Variants in GNG12 observed in about 807,000 individuals in gnomAD.
GNG12 encodes the protein G protein subunit gamma 12, also known as guanine nucleotide-binding protein G(I)/G(S)/G(O) subunit gamma-12.
For synonymous variants in GNG12, 28 were observed against 29.7 expected (o/e 0.94, Z 0.19); for missense variants, 69 against 83.8 (o/e 0.82, Z 0.69).
chr1:67,728,466 T>A (rs1646399885), intron 2 of GNG12, among the ~76,000 whole-genome samples: 1 of 152,212 alleles, frequency 6.6e-6, no homozygotes, highest in African/African-American at 2.4e-5. Context: ...TGCTTCTCTC[T>A]GGATAGCCCT....
At chr1:67,717,083 C>G (rs1646329639) in intron 2 of GNG12, among the ~76,000 whole-genome samples, 1 of 152,130 alleles carries the variant, frequency 6.6e-6, no homozygotes, top group Admixed American at 6.5e-5. Flanking sequence ...GAAGGGCCCA[C>G]AGATCTGTAT....
rs137901688 is a variant in GNG12, at chr1:67,711,422, G to A, written c.-26-3710C>T. ...AGCTCACATAGGATCCTGAGCTACA[G>A]AAAAGAATGGGAGTTCAGGGTTTCT... On this transcript the variant is annotated intron_variant, in intron 2 of 3. Coordinates refer to ENST00000370982, the MANE Select transcript of GNG12 (RefSeq NM_018841.6). Among the ~76,000 whole-genome samples the A allele has an allele frequency of 1.7e-4, 26 of 151,768 alleles. No individual in the cohort carries two copies. In the East Asian group the frequency reaches 5.0e-3, roughly 29 times the overall value.
At chr1:67,723,582 T>TA (rs1466240189) in intron 2 of GNG12, among the ~76,000 whole-genome samples, 2 of 152,224 alleles carry the variant, frequency 1.3e-5, no homozygotes, top group Admixed American at 6.5e-5. Context: ...ATATACCACT[T>TA]ACACTTGCCA....
At chr1:67,769,994 G>C (rs1408514373) in intron 2 of GNG12, among the ~76,000 whole-genome samples, 1 of 152,144 alleles carries the variant, frequency 6.6e-6, no homozygotes, top group Non-Finnish European at 1.5e-5. Flanking sequence ...ATGGAGGTAG[G>C]AAGCTCCTCA....
chr1:67,743,246 G>C (rs1312059493), intron 2 of GNG12, among the ~76,000 whole-genome samples: 1 of 152,298 alleles, frequency 6.6e-6, no homozygotes, highest in Non-Finnish European at 1.5e-5. Context: ...TTAGGAATTT[G>C]AATCTTGAAA....
chr1:67,782,285 T>C (rs909214194), intron 1 of GNG12, among the ~76,000 whole-genome samples: 1 of 152,210 alleles, frequency 6.6e-6, no homozygotes, highest in African/African-American at 2.4e-5. Flanking sequence ...TGTAAAGTAA[T>C]ACTATATGTG....
intron 1 of GNG12, among the ~76,000 whole-genome samples, chr1:67,812,791 A>G (rs554362132): frequency 2.1e-4 from 32 of 152,344 alleles, no homozygotes; most frequent in Admixed American, 2.0e-3. Flanking sequence ...CAGTAGTCAT[A>G]TTTCATATGC....
intron 2 of GNG12, among the ~76,000 whole-genome samples, chr1:67,718,424 T>C (rs1646338881): frequency 6.6e-6 from 1 of 152,224 alleles, no homozygotes; most frequent in Non-Finnish European, 1.5e-5. Context: ...GTAATCATTG[T>C]AAATATTATT....
In GNG12 at chr1:67,748,117, G is replaced by C. The variant is rs76269701; in HGVS notation, c.-27+29341C>G. On this transcript the variant is annotated intron_variant, in intron 2 of 3. Coordinates refer to ENST00000370982, the MANE Select transcript of GNG12 (RefSeq NM_018841.6). ...CTGTTAGTCTGCATGAGGGGGCAGG[G>C]AGAGAAAGGCAGAGGGCAGAGATAA... Among the ~76,000 whole-genome samples the C allele has an allele frequency of 1.6e-3, 239 of 152,330 alleles. 2 individuals carry two copies. Among genetic ancestry groups the C allele is most frequent in the African/African-American group, 5.4e-3 (226 of 41,578 alleles).
chr1:67,808,400 A>C (rs886982691), intron 1 of GNG12, among the ~76,000 whole-genome samples: 5 of 152,146 alleles, frequency 3.3e-5, no homozygotes, highest in Non-Finnish European at 5.9e-5. Flanking sequence ...GAAAAAGGCC[A>C]AGATGTCCCT....
intron 1 of GNG12, among the ~76,000 whole-genome samples, chr1:67,783,020 AGTCCTC>A (rs1460359996): frequency 5.9e-5 from 9 of 152,316 alleles, no homozygotes; most frequent in African/African-American, 2.2e-4. Context: ...ATTTATCTCT[AGTCCTC>A]AATTTCCTAA....
At chr1:67,717,036 G>A (rs932666464) in intron 2 of GNG12, among the ~76,000 whole-genome samples, 1 of 152,092 alleles carries the variant, frequency 6.6e-6, no homozygotes, top group Non-Finnish European at 1.5e-5. Context: ...AACACCTGGG[G>A]CACTTGTTTA....
At chr1:67,727,640 G>A (rs975677682) in intron 2 of GNG12, among the ~76,000 whole-genome samples, 1 of 152,178 alleles carries the variant, frequency 6.6e-6, no homozygotes, top group African/African-American at 2.4e-5. Flanking sequence ...GTCCCATGTA[G>A]ATGCTGCCAC....
At position 67,716,794 on chromosome 1, in the gene GNG12, G is replaced by GC. The variant is rs548360377; in HGVS notation, c.-26-9083dup. 3.6e-3 allele frequency among the ~76,000 whole-genome samples: 554 copies of GC among 152,324 alleles called. 3 individuals carry two copies. The highest frequency in any genetic ancestry group is 0.011 in the South Asian group (52 of 4,820). On this transcript the variant is annotated intron_variant, in intron 2 of 3. Coordinates refer to ENST00000370982, the MANE Select transcript of GNG12 (RefSeq NM_018841.6). ...TAGCAAATCAGCAGGAAGCGTGAAG[G>GC]CAAGTGGCTTTGACAGAAGACCCAA... is the stretch of plus-strand genomic sequence containing the variant.
At chr1:67,750,348 C>T (rs1283010270) in intron 2 of GNG12, among the ~76,000 whole-genome samples, 1 of 152,204 alleles carries the variant, frequency 6.6e-6, no homozygotes, top group African/African-American at 2.4e-5. Context: ...ACTTGCCTCA[C>T]ATCCCTCTTT....
intron 1 of GNG12, among the ~76,000 whole-genome samples, chr1:67,808,169 G>A (rs561488448): frequency 6.6e-6 from 1 of 152,022 alleles, no homozygotes; most frequent in East Asian, 1.9e-4. Context: ...TCAATTAATG[G>A]AATCCATCCC....
At chr1:67,769,857 T>C (rs1646663168) in intron 2 of GNG12, among the ~76,000 whole-genome samples, 3 of 152,022 alleles carry the variant, frequency 2.0e-5, no homozygotes, top group Non-Finnish European at 4.4e-5. Flanking sequence ...CTCTCTCTCC[T>C]GAGATCCCAT....
chr1:67,831,337 G>T (rs1452262020), intron 1 of GNG12, among the ~76,000 whole-genome samples: 1 of 152,166 alleles, frequency 6.6e-6, no homozygotes, highest in Non-Finnish European at 1.5e-5. Flanking sequence ...TCTCTAACAA[G>T]TGACAACACA....
intron 1 of GNG12, among the ~76,000 whole-genome samples, chr1:67,781,151 G>C (rs561710312): frequency 6.6e-6 from 1 of 152,268 alleles, no homozygotes; most frequent in East Asian, 1.9e-4. Context: ...GATTGTATTA[G>C]GATTGTGGCC....
Sources: allele counts gnomAD v4.1 joint callset (sites outside exome capture counted in the v4.1 genomes callset), GRCh38; gene constraint gnomAD v4.1.1; transcripts MANE v1.5; gene names NCBI Gene and HGNC (gene_info 2026-07-23, HGNC 2026-07-21).